The following ZNF736 variants were observed in gnomAD, a reference collection of about 807,000 sequenced individuals.
The protein encoded by ZNF736 is KRAB-containing zinc-finger repressor protein.
A neutral mutation model predicts 11.7 loss-of-function variants in ZNF736; 6 were observed. The ratio of observed to expected loss-of-function variants is 0.51; its 90% confidence interval spans 0.28 to 1.01. ZNF736 has a LOEUF of 1.01. ZNF736 is among the 50% of genes least tolerant of loss of function. The probability of loss-of-function intolerance (pLI) is 0.09; values close to 1 mark genes in which losing one functional copy is unlikely to be tolerated. For missense variants in ZNF736, 444 were observed against 496.0 expected, an observed-to-expected ratio of 0.90 and a Z score of 1.00; for synonymous variants, 139 against 164.7, an observed-to-expected ratio of 0.84 and a Z score of 1.19.
chr7:64,314,405 CTG>C (rs762585978), intron 1 of ZNF736, among the ~76,000 whole-genome samples: 2 of 152,132 alleles, frequency 1.3e-5, no homozygotes, highest in Non-Finnish European at 2.9e-5. Flanking sequence ...CTGGGCAGCT[CTG>C]TGCCGCAACC....
intron 1 of ZNF736, among the ~76,000 whole-genome samples, chr7:64,317,136 A>G (rs1486162350): frequency 4.6e-5 from 7 of 152,330 alleles, no homozygotes; most frequent in African/African-American, 1.7e-4. Context: ...GTACACAATA[A>G]AAAGATATTT....
At chr7:64,332,355 G>A (rs117124198) in intron 1 of ZNF736, among the ~76,000 whole-genome samples, 1 of 152,130 alleles carries the variant, frequency 6.6e-6, no homozygotes, top group Non-Finnish European at 1.5e-5. Context: ...ATACCCACCT[G>A]AGTCTCAGAC....
intron 3 of ZNF736, 29 bp downstream of exon 3, chr7:64,337,011 A>G: frequency 1.3e-6 from 2 of 1,561,818 alleles, no homozygotes; most frequent in Non-Finnish European, 1.7e-6. Flanking sequence ...AGCAGATGAC[A>G]CAAATGACGG....
chr7:64,319,342 T>TA (rs1788966894), intron 1 of ZNF736, among the ~76,000 whole-genome samples: 1 of 85,438 alleles, frequency 1.2e-5, no homozygotes, highest in Non-Finnish European at 2.2e-5. Context: ...TGTATATATA[T>TA]ATATATATAT....
At position 64,351,478 on chromosome 7, in the gene ZNF736, G is replaced by A. The variant is rs1036271459; in HGVS notation, c.*2331G>A. 1 of 152,300 alleles carries A rather than the reference G, an allele frequency of 6.6e-6. No individual in the cohort carries two copies. Among genetic ancestry groups the A allele is most frequent in the Non-Finnish European group, 1.5e-5 (1 of 68,126 alleles). The allele number at this position is 152,300 out of a possible 1,614,324, so 9.4% of individuals were successfully genotyped here. A position where few individuals can be genotyped will look rare whatever the true frequency, so the allele number is the denominator to read the frequency against. Reference sequence around the variant, plus strand: ...ATGTCCCTCCAGTGCAGATGCTCTGGTATGAGCTTCCAGGGTACCTGAGAC... The same window carrying A: ...ATGTCCCTCCAGTGCAGATGCTCTGATATGAGCTTCCAGGGTACCTGAGAC... On this transcript the variant is annotated 3_prime_UTR_variant, in exon 4 of 4. Transcript: ENST00000423484.
At position 64,354,870 on chromosome 7, in the gene ZNF736, G is replaced by A. The variant is rs1301663175; in HGVS notation, c.*5723G>A. The A allele has an allele frequency of 1.3e-5, 2 of 152,098 alleles. No individual in the cohort carries two copies. Among genetic ancestry groups the A allele is most frequent in the Admixed American group, 6.5e-5 (1 of 15,270 alleles). 9.4% of individuals were successfully genotyped at this position (152,098 alleles called of 1,614,324 possible). A position where few individuals can be genotyped will look rare whatever the true frequency, so the allele number is the denominator to read the frequency against. ...GGCCAATTTAAGTAAACAGTTGAAC[G>A]TTTCATAAGTCATGAGGTCTTTTTG... On this transcript the variant is annotated 3_prime_UTR_variant, in exon 4 of 4. Coordinates refer to ENST00000423484, the MANE Select transcript of ZNF736 (RefSeq NM_001170905.3).
At chr7:64,330,314 G>A (rs530416447) in intron 1 of ZNF736, among the ~76,000 whole-genome samples, 14 of 152,114 alleles carry the variant, frequency 9.2e-5, no homozygotes, top group Admixed American at 2.6e-4. Flanking sequence ...CCACCACCGC[G>A]CCGGCTAATT....
At position 64,319,488 on chromosome 7, in the gene ZNF736, C is replaced by CTTTTTT. The variant is rs1408764142; in HGVS notation, c.3+5335_3+5336insTTTTTT. Among the ~76,000 whole-genome samples, 37 of 75,266 alleles carry CTTTTTT rather than the reference C, an allele frequency of 4.9e-4. 14 individuals carry two copies. The highest frequency in any genetic ancestry group is 4.8e-4 in the Non-Finnish European group (20 of 41,250). The allele number at this position is 75,266 out of a possible 152,430, so 49.4% of individuals were successfully genotyped here. A position where few individuals can be genotyped will look rare whatever the true frequency, so the allele number is the denominator to read the frequency against. On this transcript the variant is annotated intron_variant, in intron 1 of 3. Coordinates refer to ENST00000423484, the MANE Select transcript of ZNF736 (RefSeq NM_001170905.3). ...CCAGGTAAATAGAAAACATTTCTTCCCTTTTTTTTTTTTTTTTTTTTTTTT... is the reference window on the plus strand; with the variant it reads ...CCAGGTAAATAGAAAACATTTCTTCCTTTTTTCTTTTTTTTTTTTTTTTTTTTTTTT...
intron 3 of ZNF736, among the ~76,000 whole-genome samples, chr7:64,338,231 A>G (rs1478329724): frequency 1.3e-5 from 2 of 152,238 alleles, no homozygotes; most frequent in Non-Finnish European, 2.9e-5. Flanking sequence ...TTTTTCACAA[A>G]TAATAATTGA....
In ZNF736 at chr7:64,354,325, G is replaced by A. The variant is rs772204561; in HGVS notation, c.*5178G>A. 5 of 152,074 alleles carry A rather than the reference G, an allele frequency of 3.3e-5. No individual in the cohort carries two copies. The highest frequency in any genetic ancestry group is 7.4e-5 in the Non-Finnish European group (5 of 67,994). 9.4% of individuals were successfully genotyped at this position (152,074 alleles called of 1,614,324 possible). On this transcript the variant is annotated 3_prime_UTR_variant, in exon 4 of 4. Coordinates refer to ENST00000423484, the MANE Select transcript of ZNF736 (RefSeq NM_001170905.3). ...TATATCACTGTAAAATAAACTTCAG[G>A]TGTAACAGATTTATAGAGAAAGTAA... is the stretch of plus-strand genomic sequence containing the variant.
chr7:64,336,990 G>C lies in ZNF736; in HGVS notation c.226+8G>C. ...CAGTAGCCAAACACCCAGGTAGGTGGGAGTGAATGAAGCAGATGACACAAA... is the reference window on the plus strand; with the variant it reads ...CAGTAGCCAAACACCCAGGTAGGTGCGAGTGAATGAAGCAGATGACACAAA... On this transcript the variant is annotated splice_region_variant and intron_variant, in intron 3 of 3. Coordinates refer to ENST00000423484, the MANE Select transcript of ZNF736 (RefSeq NM_001170905.3). The C allele has an allele frequency of 6.3e-7, 1 of 1,594,826 alleles. No homozygotes were observed. The highest frequency in any genetic ancestry group is 1.7e-4 in the Middle Eastern group (1 of 6,038).
At chr7:64,337,253 A>G (rs1442403346) in intron 3 of ZNF736, 3 of 415,580 alleles carry the variant, frequency 7.2e-6, no homozygotes, top group Non-Finnish European at 1.3e-5. Context: ...AGCAATAATG[A>G]AAGTCTTTCA....
chr7:64,324,202 A>G (rs1347682234), intron 1 of ZNF736, among the ~76,000 whole-genome samples: 4 of 152,152 alleles, frequency 2.6e-5, no homozygotes, highest in South Asian at 2.1e-4. Flanking sequence ...ACTTCTCACA[A>G]TATGCCCTGG....
chr7:64,338,938 G>A (rs1789297828), intron 3 of ZNF736, among the ~76,000 whole-genome samples: 3 of 151,032 alleles, frequency 2.0e-5, no homozygotes, highest in Admixed American at 1.3e-4. Context: ...CTAAAAAATT[G>A]TACGTCACTA....
At chr7:64,345,212 C>T (rs1235786678) in intron 3 of ZNF736, among the ~76,000 whole-genome samples, 9 of 150,350 alleles carry the variant, frequency 6.0e-5, no homozygotes, top group South Asian at 2.1e-4. Flanking sequence ...CTAGTAGAGA[C>T]GGGGTTTCAC....
chr7:64,341,446 A>C (rs949112602), intron 3 of ZNF736, among the ~76,000 whole-genome samples: 134 of 152,292 alleles, frequency 8.8e-4, no homozygotes, highest in African/African-American at 3.0e-3. Context: ...AGTGCTTCAC[A>C]AACATGTTCT....
chr7:64,356,471 T>A lies in ZNF736; in HGVS notation c.*7324T>A, dbSNP rs1584281554. On this transcript the variant is annotated 3_prime_UTR_variant, in exon 4 of 4. Coordinates refer to ENST00000423484, the MANE Select transcript of ZNF736 (RefSeq NM_001170905.3). ...AAAATGTTTTTAAGTTGCCTATTTT[T>A]AAAAAAATCTATCAATTTTGAATTG... is the stretch of plus-strand genomic sequence containing the variant. 1.3e-5 allele frequency among the ~76,000 whole-genome samples: 2 copies of A among 152,290 alleles called. No individual in the cohort carries two copies. The highest frequency in any genetic ancestry group is 3.9e-4 in the East Asian group (2 of 5,190).
At chr7:64,346,417 T>A (rs999898287) in intron 3 of ZNF736, among the ~76,000 whole-genome samples, 3 of 81,592 alleles carry the variant, frequency 3.7e-5, no homozygotes, top group African/African-American at 1.7e-4. Context: ...CATGATATAG[T>A]TAGATTTTTT....
In ZNF736 at chr7:64,348,154, A is replaced by G. The variant is rs1483245701; in HGVS notation, c.291A>G (p.Lys97=). 6.5e-7 allele frequency: 1 copy of G among 1,549,096 alleles called. No individual in the cohort carries two copies. The highest frequency in any genetic ancestry group is 8.7e-7 in the Non-Finnish European group (1 of 1,146,344). ...PDHDIKDSFQ[K]VILRKYGSCD... is the part of the protein sequence containing the mutation. The stretch of plus-strand genomic sequence containing the variant: ...ATGACATAAAAGATTCATTTCAAAA[A>G]GTGATTCTGAGAAAATATGGAAGCT... The change falls in exon 4 of 4, where the codon AAA becomes AAG. Residue 97 remains lysine, a synonymous_variant. Coordinates refer to ENST00000423484, the MANE Select transcript of ZNF736 (RefSeq NM_001170905.3).
Sources: allele counts gnomAD v4.1 joint callset (sites outside exome capture counted in the v4.1 genomes callset), GRCh38; gene constraint gnomAD v4.1.1; transcripts MANE v1.5; gene names NCBI Gene and HGNC (gene_info 2026-07-23, HGNC 2026-07-21).